Variants in SPOPL observed in about 807,000 individuals in gnomAD.
SPOPL encodes speckle-type POZ protein-like.
Under a neutral mutation model 53.8 loss-of-function variants are expected in SPOPL, and 23 were observed. The observed-to-expected ratio is 0.43, with a 90% CI of 0.31 to 0.61. The LOEUF (loss-of-function observed/expected upper bound fraction) is 0.61, where lower values mean the gene tolerates loss of function less well. SPOPL is among the 20% of genes least tolerant of loss of function. SPOPL has a pLI of 0.12. For synonymous variants in SPOPL, 164 were observed against 149.7 expected, an observed-to-expected ratio of 1.10 and a Z score of -0.70; for missense variants, 442 against 466.9, an observed-to-expected ratio of 0.95 and a Z score of 0.49.
At chr2:138,513,705 G>C (rs1272429752) in intron 1 of SPOPL, among the ~76,000 whole-genome samples, 5 of 146,884 alleles carry the variant, frequency 3.4e-5, no homozygotes, top group Non-Finnish European at 7.4e-5. Context: ...TTGTCACTGC[G>C]CTCCAGCCTA....
chr2:138,551,181 T>A, intron 4 of SPOPL, 127 bp downstream of exon 4: 1 of 1,014,932 alleles, frequency 9.9e-7, no homozygotes. Context: ...AAACTTTTAA[T>A]TTGACCATTA....
chr2:138,554,863 A>G (rs1422922107), intron 5 of SPOPL, among the ~76,000 whole-genome samples: 1 of 152,196 alleles, frequency 6.6e-6, no homozygotes, highest in Middle Eastern at 3.2e-3. Flanking sequence ...CTTTTTAAGG[A>G]CACATCTTTT....
intron 8 of SPOPL, among the ~76,000 whole-genome samples, chr2:138,564,009 A>G (rs1346906657): frequency 6.6e-6 from 1 of 152,250 alleles, no homozygotes; most frequent in East Asian, 1.9e-4. Flanking sequence ...ACAAAAACAA[A>G]CATGTAATAT....
intron 1 of SPOPL, among the ~76,000 whole-genome samples, chr2:138,525,661 A>AC (rs1558865798): frequency 4.1e-5 from 4 of 98,324 alleles, no homozygotes; most frequent in Non-Finnish European, 6.4e-5. Context: ...AAGTAGAAAA[A>AC]AAAAAAAAAA....
intron 10 of SPOPL, 139 bp downstream of exon 10, chr2:138,565,132 A>G: frequency 9.4e-7 from 1 of 1,063,786 alleles, no homozygotes; most frequent in South Asian, 1.5e-5. Flanking sequence ...AAACAAACAA[A>G]GACTACTTAG....
At chr2:138,522,237 T>G (rs957733575) in intron 1 of SPOPL, among the ~76,000 whole-genome samples, 2 of 152,188 alleles carry the variant, frequency 1.3e-5, no homozygotes, top group African/African-American at 4.8e-5. Flanking sequence ...TAGGACCACA[T>G]GAAATTGCCA....
rs1396174721 is a variant in SPOPL, at chr2:138,572,063, G to A, written c.*2983G>A. 6.6e-6 allele frequency: 1 copy of A among 152,196 alleles called. No homozygotes were observed. Among genetic ancestry groups the A allele is most frequent in the Non-Finnish European group, 1.5e-5 (1 of 67,906 alleles). The allele number at this position is 152,196 out of a possible 1,614,324, so 9.4% of individuals were successfully genotyped here. A position where few individuals can be genotyped will look rare whatever the true frequency, so the allele number is the denominator to read the frequency against. On this transcript the variant is annotated 3_prime_UTR_variant, in exon 11 of 11. Coordinates refer to ENST00000280098, the MANE Select transcript of SPOPL (RefSeq NM_001001664.3). ...TGTGTACATACCTGTATTTGCTTGG[G>A]GCTTGTGTGTGGTATGTTACAAAGA...
chr2:138,554,564 C>T (rs1159107541), intron 5 of SPOPL: 2 of 1,244,870 alleles, frequency 1.6e-6, no homozygotes, highest in East Asian at 5.8e-5. Flanking sequence ...ACCCTTTTTG[C>T]ACAAAGCGTA....
chr2:138,517,220 G>A (rs1684457613), intron 1 of SPOPL, among the ~76,000 whole-genome samples: 1 of 152,158 alleles, frequency 6.6e-6, no homozygotes, highest in Admixed American at 6.5e-5. Context: ...GGATTATAGA[G>A]GGTGGTTGGG....
At position 138,564,166 on chromosome 2, in the gene SPOPL, G is replaced by A. The variant is rs542544017; in HGVS notation, c.838-542G>A. Reference sequence around the variant, plus strand: ...TTGAGGGACAATTGGTATATTTATTGTAGAGTTAATGATGGTTTTATGGCT... The same window carrying A: ...TTGAGGGACAATTGGTATATTTATTATAGAGTTAATGATGGTTTTATGGCT... On this transcript the variant is annotated intron_variant, in intron 8 of 10. Coordinates refer to ENST00000280098, the MANE Select transcript of SPOPL (RefSeq NM_001001664.3). Among the ~76,000 whole-genome samples the A allele has an allele frequency of 3.3e-4, 50 of 152,300 alleles. 1 individual carries two copies. In the South Asian group the frequency reaches 7.5e-3, roughly 23 times the overall value.
At position 138,571,320 on chromosome 2, in the gene SPOPL, C is replaced by T. The variant is rs1012755947; in HGVS notation, c.*2240C>T. 5 of 152,298 alleles carry T rather than the reference C, an allele frequency of 3.3e-5. No homozygotes were observed. The highest frequency in any genetic ancestry group is 1.2e-4 in the African/African-American group (5 of 41,378). The allele number at this position is 152,298 out of a possible 1,614,324, so 9.4% of individuals were successfully genotyped here. ...ACCACAGTGACTTCAGTAAAAATAC[C>T]GTATAATGAACATTTCAGCTTCTTC... On this transcript the variant is annotated 3_prime_UTR_variant, in exon 11 of 11. Transcript: ENST00000280098.
intron 1 of SPOPL, among the ~76,000 whole-genome samples, chr2:138,547,441 A>G (rs1685220177): frequency 6.6e-6 from 1 of 152,036 alleles, no homozygotes; most frequent in African/African-American, 2.4e-5. Context: ...TTTTGTTAGT[A>G]TTAAATTATA....
intron 1 of SPOPL, among the ~76,000 whole-genome samples, chr2:138,542,621 A>G (rs921721438): frequency 3.9e-5 from 6 of 151,938 alleles, no homozygotes; most frequent in Non-Finnish European, 8.8e-5. Flanking sequence ...TTTTGAGCCT[A>G]TGTGTGTCTC....
chr2:138,540,798 G>A (rs1460017979), intron 1 of SPOPL, among the ~76,000 whole-genome samples: 4 of 152,054 alleles, frequency 2.6e-5, no homozygotes, highest in Non-Finnish European at 4.4e-5. Context: ...GAGTGGTGAG[G>A]GAGGCCATCC....
At chr2:138,547,568 C>T (rs1217979705) in intron 1 of SPOPL, among the ~76,000 whole-genome samples, 4 of 152,114 alleles carry the variant, frequency 2.6e-5, no homozygotes, top group East Asian at 3.9e-4. Context: ...CAAGATCTTA[C>T]GTATTTTCTG....
chr2:138,520,588 A>C (rs567751396), intron 1 of SPOPL, among the ~76,000 whole-genome samples: 4 of 152,148 alleles, frequency 2.6e-5, no homozygotes, highest in Admixed American at 2.6e-4. Context: ...TCAAATTATG[A>C]GGTTAGAGGC....
At chr2:138,538,897 A>T (rs1282337823) in intron 1 of SPOPL, among the ~76,000 whole-genome samples, 15 of 145,906 alleles carry the variant, frequency 1.0e-4, no homozygotes, top group African/African-American at 3.8e-4. Flanking sequence ...ATCCCTCCCC[A>T]CTCTCCCCAC....
chr2:138,524,308 C>T (rs1684622894), intron 1 of SPOPL, among the ~76,000 whole-genome samples: 1 of 152,184 alleles, frequency 6.6e-6, no homozygotes, highest in Non-Finnish European at 1.5e-5. Flanking sequence ...GCAGAGGGAC[C>T]CTGGGCCCAG....
In SPOPL at chr2:138,550,896, A is replaced by T. The variant is rs760453154; in HGVS notation, c.201-7A>T. On this transcript the variant is annotated splice_region_variant and splice_polypyrimidine_tract_variant and intron_variant, in intron 3 of 10. Coordinates refer to ENST00000280098, the MANE Select transcript of SPOPL (RefSeq NM_001001664.3). ...TTCCTCCATGTGAGCTTATTGTTTT[A>T]TTTTAGGTGCCTGAGGGTAAACCCA... 3.8e-6 allele frequency: 6 copies of T among 1,598,022 alleles called. No homozygotes were observed. The East Asian group carries it at 1.3e-4, about 36-fold the overall frequency.
Sources: allele counts gnomAD v4.1 joint callset (sites outside exome capture counted in the v4.1 genomes callset), GRCh38; gene constraint gnomAD v4.1.1; transcripts MANE v1.5; gene names NCBI Gene and HGNC (gene_info 2026-07-23, HGNC 2026-07-21).